The following IPO11 variants were observed in gnomAD, a reference collection of about 807,000 sequenced individuals.
IPO11 encodes importin-11.
IPO11 carries 66 observed loss-of-function variants against 143.2 expected under a neutral mutation model. The ratio of observed to expected loss-of-function variants is 0.46; its 90% confidence interval spans 0.38 to 0.57. The LOEUF (loss-of-function observed/expected upper bound fraction) is 0.57, where lower values mean the gene tolerates loss of function less well. IPO11 is among the 20% of genes least tolerant of loss of function. IPO11 has a pLI of 0.00. For missense variants in IPO11, 1,026 were observed against 1,141.0 expected, an observed-to-expected ratio of 0.90 and a Z score of 1.45; for synonymous variants, 385 against 377.8, an observed-to-expected ratio of 1.02 and a Z score of -0.22.
In IPO11 at chr5:62,513,935, G is replaced by A. The variant is rs1212240770; in HGVS notation, c.1783-1453G>A. Among the ~76,000 whole-genome samples the A allele has an allele frequency of 8.6e-4, 125 of 145,924 alleles. 1 individual carries two copies. Among genetic ancestry groups the A allele is most frequent in the African/African-American group, 2.9e-3 (115 of 39,096 alleles). On this transcript the variant is annotated intron_variant, in intron 19 of 29. Coordinates refer to ENST00000325324, the MANE Select transcript of IPO11 (RefSeq NM_016338.5). ...GACGGGGTCGCGGCCGGGCCGAGGC[G>A]CTCCTCACATCCCAGACGGGGCGGC...
intron 23 of IPO11, among the ~76,000 whole-genome samples, chr5:62,536,998 AT>A (rs1469088980): frequency 3.3e-5 from 5 of 152,010 alleles, no homozygotes; most frequent in African/African-American, 1.2e-4. Context: ...TTTTTTTTAT[AT>A]TCCTATGAAA....
chr5:62,456,874 A>G (rs1227015676), intron 5 of IPO11, among the ~76,000 whole-genome samples: 4 of 152,054 alleles, frequency 2.6e-5, no homozygotes, highest in Non-Finnish European at 5.9e-5. Context: ...CGGGTGGATC[A>G]TGAGGTCAGG....
intron 29 of IPO11, among the ~76,000 whole-genome samples, chr5:62,606,762 A>G (rs1745734592): frequency 6.6e-6 from 1 of 152,226 alleles, no homozygotes; most frequent in African/African-American, 2.4e-5. Context: ...AAATTGAAAC[A>G]TATATATGGC....
chr5:62,619,570 C>T (rs1746268349), intron 29 of IPO11, among the ~76,000 whole-genome samples: 1 of 152,074 alleles, frequency 6.6e-6, no homozygotes, highest in Non-Finnish European at 1.5e-5. Context: ...ACTGCACAAA[C>T]AGGCCGGGCG....
In IPO11 at chr5:62,554,934, C is replaced by T. The variant is rs192129948; in HGVS notation, c.2460+3598C>T. On this transcript the variant is annotated intron_variant, in intron 26 of 29. Transcript: ENST00000325324. Reference sequence around the variant, plus strand: ...TTCACCATTTTGGCCAGGCTGGTCTCAAACCCCTGACCTCAAGTGATCCAC... The same window carrying T: ...TTCACCATTTTGGCCAGGCTGGTCTTAAACCCCTGACCTCAAGTGATCCAC... Among the ~76,000 whole-genome samples, 22 of 152,300 alleles carry T rather than the reference C, an allele frequency of 1.4e-4. No homozygotes were observed. In the East Asian group the frequency reaches 4.1e-3, roughly 28 times the overall value.
intron 9 of IPO11, among the ~76,000 whole-genome samples, chr5:62,482,638 A>G (rs1053154631): frequency 2.0e-5 from 3 of 152,156 alleles, no homozygotes; most frequent in African/African-American, 7.2e-5. Context: ...ATGGCATTCT[A>G]ATTCTGTTAT....
chr5:62,534,068 TTAAG>T (rs1742652066), intron 22 of IPO11, among the ~76,000 whole-genome samples: 2 of 152,230 alleles, frequency 1.3e-5, no homozygotes, highest in South Asian at 4.1e-4. Context: ...GATGCGTTAA[TTAAG>T]TATGAATATA....
At chr5:62,592,829 T>C (rs1292780732) in intron 28 of IPO11, among the ~76,000 whole-genome samples, 1 of 152,014 alleles carries the variant, frequency 6.6e-6, no homozygotes, top group Non-Finnish European at 1.5e-5. Flanking sequence ...AGCATGAGGG[T>C]AATCGCCCCC....
chr5:62,416,344 G>A (rs1349495558), intron 1 of IPO11, among the ~76,000 whole-genome samples: 2 of 151,620 alleles, frequency 1.3e-5, no homozygotes, highest in Non-Finnish European at 2.9e-5. Context: ...CACCACGCCC[G>A]GCTAATTTTT....
chr5:62,613,858 A>G (rs1746021746), intron 29 of IPO11, among the ~76,000 whole-genome samples: 1 of 152,174 alleles, frequency 6.6e-6, no homozygotes, highest in Non-Finnish European at 1.5e-5. Flanking sequence ...GACAGCCAGC[A>G]TTAACTACTA....
At chr5:62,514,772 ACT>A (rs1741947862) in intron 19 of IPO11, among the ~76,000 whole-genome samples, 1 of 152,248 alleles carries the variant, frequency 6.6e-6, no homozygotes, top group African/African-American at 2.4e-5. Context: ...TCAAGAAACT[ACT>A]GTCAGACTGA....
chr5:62,557,737 T>G (rs1293360389), intron 26 of IPO11, among the ~76,000 whole-genome samples: 1 of 152,222 alleles, frequency 6.6e-6, no homozygotes, highest in Non-Finnish European at 1.5e-5. Context: ...CAGAATGCTG[T>G]GTTCTTATTC....
chr5:62,575,576 C>T (rs1428337799), intron 27 of IPO11, among the ~76,000 whole-genome samples: 3 of 152,082 alleles, frequency 2.0e-5, no homozygotes, highest in South Asian at 4.2e-4. Flanking sequence ...CATCCTCTCC[C>T]CACCTCCCCC....
intron 13 of IPO11, 109 bp downstream of exon 13, chr5:62,487,970 A>G (rs1746469939): frequency 2.2e-6 from 2 of 904,590 alleles, no homozygotes; most frequent in Admixed American, 6.1e-5. Flanking sequence ...TCATATAATA[A>G]ATATGAATTT....
At chr5:62,478,740 T>C (rs1208323094) in intron 9 of IPO11, among the ~76,000 whole-genome samples, 3 of 152,232 alleles carry the variant, frequency 2.0e-5, no homozygotes, top group African/African-American at 7.2e-5. Context: ...ACATGCTTTT[T>C]GTTAACATGT....
At chr5:62,480,450 A>G (rs1166705901) in intron 9 of IPO11, among the ~76,000 whole-genome samples, 3 of 152,106 alleles carry the variant, frequency 2.0e-5, no homozygotes, top group African/African-American at 7.2e-5. Flanking sequence ...ATGAACTTTA[A>G]AGTAGTTTTT....
chr5:62,588,866 CTT>C (rs1487951763), intron 27 of IPO11, among the ~76,000 whole-genome samples: 3 of 152,188 alleles, frequency 2.0e-5, no homozygotes, highest in African/African-American at 7.2e-5. Context: ...ATCTTTTTGT[CTT>C]TGGTCAAGGC....
chr5:62,573,056 G>GT (rs1164327292), intron 27 of IPO11, among the ~76,000 whole-genome samples: 8 of 151,536 alleles, frequency 5.3e-5, no homozygotes, highest in Non-Finnish European at 8.8e-5. Flanking sequence ...AAGCTTTACT[G>GT]TTTTTTTTGA....
At chr5:62,513,480 A>G (rs1388285370) in intron 19 of IPO11, among the ~76,000 whole-genome samples, 1 of 108,726 alleles carries the variant, frequency 9.2e-6, no homozygotes, top group Non-Finnish European at 1.9e-5. Context: ...ACTTCCCAGT[A>G]GGGGCGGCCG....
Sources: gnomAD v4.1 joint callset for allele counts (sites outside exome capture counted in the v4.1 genomes callset) on GRCh38, gnomAD v4.1.1 for gene constraint, MANE v1.5 for transcripts, NCBI Gene and HGNC (gene_info 2026-07-23, HGNC 2026-07-21) for gene names.